Variants in KLHL13 observed in about 807,000 individuals in gnomAD.
KLHL13 encodes the protein kelch like family member 13.
Under a neutral mutation model 37.1 loss-of-function variants are expected in KLHL13, and 10 were observed. That is an observed-to-expected ratio of 0.27 (90% confidence interval 0.17 to 0.46). The LOEUF is 0.46. Ranked by LOEUF, KLHL13 falls within the 20% of genes least tolerant of loss-of-function variation. KLHL13 has a pLI of 1.00. For synonymous variants in KLHL13, 163 were observed against 181.2 expected, an observed-to-expected ratio of 0.90 and a Z score of 0.81; for missense variants, 360 against 509.3, an observed-to-expected ratio of 0.71 and a Z score of 2.82.
chrX:118,056,160 T>C (rs1274169638), intron 1 of KLHL13, among the ~76,000 whole-genome samples: 1 of 112,229 alleles, frequency 8.9e-6, no homozygotes, highest in Admixed American at 9.5e-5. Flanking sequence ...AAATAGATTT[T>C]ATTTCTATAC....
At chrX:117,931,382 T>C (rs1369127388) in intron 2 of KLHL13, among the ~76,000 whole-genome samples, 1 of 111,744 alleles carries the variant, frequency 8.9e-6, no homozygotes, top group Non-Finnish European at 1.9e-5. Context: ...CTGTAATTAA[T>C]ATACACTGCC....
At chrX:118,093,839 T>C (rs1012976545) in intron 1 of KLHL13, among the ~76,000 whole-genome samples, 4 of 109,982 alleles carry the variant, frequency 3.6e-5, no homozygotes, top group African/African-American at 1.3e-4. Context: ...TAGCAGATGT[T>C]CCAACAGAGT....
At chrX:118,096,192 AAAG>A (rs1278300212) in intron 1 of KLHL13, among the ~76,000 whole-genome samples, 1 of 111,657 alleles carries the variant, frequency 9.0e-6, no homozygotes, top group Admixed American at 9.6e-5. Context: ...CAAGACTAAT[AAAG>A]AAGAAAAGAG....
intron 5 of KLHL13, among the ~76,000 whole-genome samples, chrX:117,906,597 T>G (rs746869567): frequency 1.4e-4 from 16 of 111,156 alleles, no homozygotes; most frequent in Admixed American, 5.8e-4. Flanking sequence ...TTTTTGGCCT[T>G]TTTTCTCCTG....
intron 5 of KLHL13, 78 bp downstream of exon 6, chrX:117,909,223 A>G: frequency 8.4e-6 from 7 of 836,089 alleles, no homozygotes. Context: ...CTGATTTTAC[A>G]GGACTGCTTA....
At chrX:117,902,024 A>G (rs1370540536) in intron 5 of KLHL13, 78 bp from the exon 7 acceptor site, 1 of 515,593 alleles carries the variant, frequency 1.9e-6, no homozygotes, top group Non-Finnish European at 3.3e-6. Context: ...TAAGTGGAAC[A>G]GTAATAATAT....
chrX:117,903,165 G>C (rs866556452), intron 5 of KLHL13, among the ~76,000 whole-genome samples: 4,265 of 99,688 alleles, frequency 0.043, 139 homozygotes, highest in Middle Eastern at 0.097. Flanking sequence ...CACAGAGAGA[G>C]AGAGAGAGGA....
chrX:118,082,292 T>C (rs186135980), intron 1 of KLHL13, among the ~76,000 whole-genome samples: 189 of 110,994 alleles, frequency 1.7e-3, no homozygotes, highest in Non-Finnish European at 3.2e-3. Flanking sequence ...TTTTTGATAA[T>C]AGCAATTCTA....
intron 1 of KLHL13, among the ~76,000 whole-genome samples, chrX:118,090,076 G>A (rs1457058889): frequency 3.1e-5 from 1 of 31,845 alleles, no homozygotes; most frequent in African/African-American, 9.4e-5. Context: ...GCAAGACTCT[G>A]TCTCAAAAAA....
intron 1 of KLHL13, among the ~76,000 whole-genome samples, chrX:118,078,730 T>C (rs2054955946): frequency 8.9e-6 from 1 of 112,051 alleles, no homozygotes; most frequent in East Asian, 2.8e-4. Flanking sequence ...AACATTTGTA[T>C]ACATATTTTT....
chrX:117,901,330 G>A (rs968764287), intron 6 of KLHL13, among the ~76,000 whole-genome samples: 1 of 110,747 alleles, frequency 9.0e-6, no homozygotes, highest in Non-Finnish European at 1.9e-5. Flanking sequence ...CAGAGCATGG[G>A]GACTGGAAAG....
At chrX:118,064,603 C>T (rs2054776927) in intron 1 of KLHL13, among the ~76,000 whole-genome samples, 1 of 111,945 alleles carries the variant, frequency 8.9e-6, no homozygotes, top group South Asian at 3.7e-4. Flanking sequence ...GACACTGAGA[C>T]TGTCTTAAGC....
At chrX:118,047,305 A>G (rs912620477) in intron 1 of KLHL13, among the ~76,000 whole-genome samples, 5 of 112,243 alleles carry the variant, frequency 4.5e-5, no homozygotes, top group African/African-American at 1.6e-4. Flanking sequence ...CAGCACCCAA[A>G]TATCAGAAAT....
chrX:118,064,170 A>T (rs1304193395), intron 1 of KLHL13, among the ~76,000 whole-genome samples: 9 of 112,017 alleles, frequency 8.0e-5, no homozygotes, highest in African/African-American at 2.6e-4. Flanking sequence ...TATTACATAA[A>T]GCATTTATGT....
intron 1 of KLHL13, among the ~76,000 whole-genome samples, chrX:117,980,076 TA>T (rs1264710504): frequency 7.1e-5 from 8 of 112,272 alleles, no homozygotes; most frequent in Non-Finnish European, 1.3e-4. Context: ...TAGTTTCACT[TA>T]TTTTTTTTAA....
rs765977607 is a variant in KLHL13 at position 118,001,651 on chromosome X, C to G, written c.-55-56076G>C. Among the ~76,000 whole-genome samples, 3 of 110,443 alleles carry G rather than the reference C, an allele frequency of 2.7e-5. No individual in the cohort carries two copies. The South Asian group carries it at 1.2e-3, about 43-fold the overall frequency. On this transcript the variant is annotated intron_variant, in intron 1 of 6. Coordinates refer to the KLHL13 transcript ENST00000371882. ...GGCTGAGGCAGGTGGATTGCTGGAGCTCTGGAGTTCGAGACCAGCCTCAGC... is the reference window on the plus strand; with the variant it reads ...GGCTGAGGCAGGTGGATTGCTGGAGGTCTGGAGTTCGAGACCAGCCTCAGC...
Position 117,930,286 on chromosome X carries a change from AAGGAAGGC to A in KLHL13, c.241-9924_241-9917del, listed in dbSNP as rs1443290578. On this transcript the variant is annotated intron_variant, in intron 2 of 6. Transcript: ENST00000262820. ...GAAGGAAGGAAGGAAGGAAGGAAGG[AAGGAAGGC>A]AGGCAGGCAGGCAGGCAGGCAGGCA... is the stretch of plus-strand genomic sequence containing the variant. Among the ~76,000 whole-genome samples, 99 of 89,318 alleles carry A rather than the reference AAGGAAGGC, an allele frequency of 1.1e-3. 1 individual carries two copies. Among genetic ancestry groups the A allele is most frequent in the African/African-American group, 4.1e-3 (76 of 18,369 alleles). The allele number at this position is 89,318 out of a possible 115,157, so 77.6% of individuals were successfully genotyped here.
intron 1 of KLHL13, among the ~76,000 whole-genome samples, chrX:118,041,657 C>T (rs1479506207): frequency 3.6e-5 from 4 of 111,473 alleles, no homozygotes; most frequent in African/African-American, 1.3e-4. Flanking sequence ...AGTATTAAGC[C>T]GTCAACAGTT....
chrX:117,973,542 A>C (rs1194739117), exon 1 of KLHL13: 2 of 898,155 alleles, frequency 2.2e-6, no homozygotes, highest in Non-Finnish European at 2.8e-6. Context: ...AGGAGAAGGC[A>C]AAATGTAAGA....
Sources: gnomAD v4.1 joint callset for allele counts (sites outside exome capture counted in the v4.1 genomes callset) on GRCh38, gnomAD v4.1.1 for gene constraint, MANE v1.5 for transcripts, NCBI Gene and HGNC (gene_info 2026-07-23, HGNC 2026-07-21) for gene names.